TJP1: variants seen among roughly 807,000 people sequenced by gnomAD.
TJP1 encodes the protein tight junction protein 1.
A neutral mutation model predicts 194.2 loss-of-function variants in TJP1; 43 were observed. That is an observed-to-expected ratio of 0.22 (90% CI 0.17 to 0.29). The LOEUF (loss-of-function observed/expected upper bound fraction) is 0.29. Ranked by LOEUF, TJP1 falls within the 10% of genes least tolerant of loss-of-function variation. The probability of loss-of-function intolerance (pLI) is 1.00; values close to 1 mark genes in which losing one functional copy is unlikely to be tolerated. For synonymous variants in TJP1, 801 were observed against 779.0 expected (o/e 1.03, Z -0.47); for missense variants, 1,971 against 2,185.7 (o/e 0.90, Z 1.96).
intron 10 of TJP1, among the ~76,000 whole-genome samples, chr15:29,738,092 C>T (rs961382981): frequency 2.0e-5 from 3 of 152,162 alleles, no homozygotes; most frequent in Non-Finnish European, 4.4e-5. Flanking sequence ...TACACACCCA[C>T]CTCTAGCATC....
chr15:29,822,143 C>T lies in TJP1; in HGVS notation c.-115G>A, dbSNP rs2050430125. 2.3e-5 allele frequency: 27 copies of T among 1,183,348 alleles called. No individual in the cohort carries two copies. The highest frequency in any genetic ancestry group is 2.7e-5 in the Non-Finnish European group (26 of 955,798). 73.3% of individuals were successfully genotyped at this position (1,183,348 alleles called of 1,614,324 possible). ...ACATCTCCCGAGAGCGAGCGGGGCA[C>T]GGGCGGGGGCGGCCGGAAGGGCCCG... On this transcript the variant is annotated 5_prime_UTR_variant, in exon 1 of 28. In the 5' UTR this introduces an upstream ATG that the reference lacks. Coordinates refer to ENST00000614355, the MANE Select transcript of TJP1 (RefSeq NM_001330239.4).
chr15:29,948,563 G>A (rs1240219638), intron 2 of TJP1, among the ~76,000 whole-genome samples: 3 of 152,144 alleles, frequency 2.0e-5, no homozygotes, highest in Admixed American at 6.5e-5. Context: ...TTGAAAGAGA[G>A]CCACAGAAAG....
chr15:29,699,847 G>A (rs766702200), downstream of TJP1: 5 of 164,212 alleles, frequency 3.0e-5, no homozygotes, highest in Non-Finnish European at 5.2e-5. Context: ...ACAAACGCAC[G>A]TGTGTCCCCA....
At chr15:29,738,549 G>A (rs1292162466) in intron 10 of TJP1, among the ~76,000 whole-genome samples, 5 of 152,088 alleles carry the variant, frequency 3.3e-5, no homozygotes, top group Non-Finnish European at 4.4e-5. Flanking sequence ...GAAATCAGAT[G>A]AGGTCTCTCA....
intron 27 of TJP1, 24 bp from the exon 28 acceptor site, chr15:29,701,713 T>C (rs1408035896): frequency 1.3e-6 from 2 of 1,566,732 alleles, no homozygotes; most frequent in South Asian, 1.1e-5. Flanking sequence ...GAAGTTGATG[T>C]CATTTACAGT....
chr15:29,875,864 A>G (rs539522500), intron 2 of TJP1, among the ~76,000 whole-genome samples: 16 of 152,318 alleles, frequency 1.1e-4, no homozygotes, highest in Non-Finnish European at 2.2e-4. Context: ...GTGCCTGGCC[A>G]GTTCTCCTCA....
At chr15:29,816,315 C>A (rs559496837) in intron 1 of TJP1, among the ~76,000 whole-genome samples, 2 of 152,224 alleles carry the variant, frequency 1.3e-5, no homozygotes, top group Admixed American at 1.3e-4. Context: ...ATGCTTGAGT[C>A]TGGCAAATTG....
At chr15:29,723,435 T>A (rs983898076) in intron 18 of TJP1, among the ~76,000 whole-genome samples, 2 of 152,206 alleles carry the variant, frequency 1.3e-5, no homozygotes, top group Non-Finnish European at 2.9e-5. Context: ...GACATGCTTT[T>A]TCCCCTTCAC....
At chr15:29,769,840 T>C (rs569668296) in intron 4 of TJP1, among the ~76,000 whole-genome samples, 1 of 152,344 alleles carries the variant, frequency 6.6e-6, no homozygotes, top group South Asian at 2.1e-4. Flanking sequence ...ATGACTATGT[T>C]ACTGGTTTAT....
chr15:29,746,660 A>G (rs2044804413), intron 8 of TJP1, among the ~76,000 whole-genome samples: 1 of 152,012 alleles, frequency 6.6e-6, no homozygotes, highest in Non-Finnish European at 1.5e-5. Context: ...TATAATAAAG[A>G]TTGAAAAAAT....
intron 1 of TJP1, among the ~76,000 whole-genome samples, chr15:29,967,210 T>A (rs942277824): frequency 2.1e-4 from 32 of 151,780 alleles, no homozygotes; most frequent in Admixed American, 2.0e-3. Flanking sequence ...ATTTGTTTGT[T>A]TATTTAGTAG....
intron 2 of TJP1, among the ~76,000 whole-genome samples, chr15:29,875,391 G>T (rs929996433): frequency 6.6e-6 from 1 of 151,982 alleles, no homozygotes; most frequent in Non-Finnish European, 1.5e-5. Flanking sequence ...AATTACAGCC[G>T]GCCTTATTGT....
intron 2 of TJP1, among the ~76,000 whole-genome samples, chr15:29,937,278 C>T (rs1000056857): frequency 4.6e-5 from 7 of 152,070 alleles, no homozygotes; most frequent in African/African-American, 1.7e-4. Flanking sequence ...AAAACCAAAC[C>T]TTGAACAAAC....
intron 17 of TJP1, 81 bp from the exon 18 acceptor site, chr15:29,726,560 A>G (rs1286093334): frequency 7.3e-7 from 1 of 1,360,998 alleles, no homozygotes. Context: ...TTACAGCTAA[A>G]TCGTCATTAC....
chr15:29,765,535 C>A (rs946964856), intron 5 of TJP1, among the ~76,000 whole-genome samples: 1 of 152,000 alleles, frequency 6.6e-6, no homozygotes, highest in African/African-American at 2.4e-5. Flanking sequence ...TGGAGAAATG[C>A]TCTATAAGGG....
intron 2 of TJP1, among the ~76,000 whole-genome samples, chr15:29,840,296 C>G (rs2051176979): frequency 6.6e-6 from 1 of 152,144 alleles, no homozygotes; most frequent in African/African-American, 2.4e-5. Flanking sequence ...GGCATCAAGT[C>G]TAACAGGTCT....
At chr15:29,745,410 G>A (rs1409847802) in intron 8 of TJP1, among the ~76,000 whole-genome samples, 2 of 150,726 alleles carry the variant, frequency 1.3e-5, no homozygotes, top group African/African-American at 4.9e-5. Flanking sequence ...TCAACAATCA[G>A]ATGGAAATGA....
chr15:29,830,552 C>T (rs1421296048), intron 2 of TJP1, among the ~76,000 whole-genome samples: 1 of 150,752 alleles, frequency 6.6e-6, no homozygotes, highest in African/African-American at 2.4e-5. Context: ...TATTATTACA[C>T]TAATATATAT....
At chr15:29,765,544 G>A (rs188881278) in intron 5 of TJP1, among the ~76,000 whole-genome samples, 17 of 152,068 alleles carry the variant, frequency 1.1e-4, no homozygotes, top group Admixed American at 9.2e-4. Flanking sequence ...GCTCTATAAG[G>A]GGTTCCTTTC....
Sources: gnomAD v4.1 joint callset for allele counts (sites outside exome capture counted in the v4.1 genomes callset) on GRCh38, gnomAD v4.1.1 for gene constraint, MANE v1.5 for transcripts, NCBI Gene and HGNC (gene_info 2026-07-23, HGNC 2026-07-21) for gene names.